Variants in CPQ observed in about 807,000 individuals in gnomAD.
CPQ encodes carboxypeptidase Q.
A neutral mutation model predicts 45.7 loss-of-function variants in CPQ; 37 were observed. The ratio of observed to expected loss-of-function variants is 0.81; its 90% CI spans 0.62 to 1.07. The LOEUF (loss-of-function observed/expected upper bound fraction) is 1.07. CPQ is among the 50% of genes least tolerant of loss of function. The pLI is 0.00. For missense variants in CPQ, 537 were observed against 572.9 expected, an observed-to-expected ratio of 0.94 and a Z score of 0.64; for synonymous variants, 186 against 205.8, an observed-to-expected ratio of 0.90 and a Z score of 0.82.
At chr8:96,731,737 G>C (rs893999797) in intron 1 of CPQ, among the ~76,000 whole-genome samples, 1 of 152,176 alleles carries the variant, frequency 6.6e-6, no homozygotes, top group African/African-American at 2.4e-5. Flanking sequence ...AGGTGGGAAG[G>C]AGTTCTCTAT....
At chr8:96,690,767 G>C (rs1408840770) in intron 1 of CPQ, among the ~76,000 whole-genome samples, 1 of 152,172 alleles carries the variant, frequency 6.6e-6, no homozygotes, top group Non-Finnish European at 1.5e-5. Context: ...CTCATAGTCT[G>C]TCCTGATAAT....
intron 7 of CPQ, among the ~76,000 whole-genome samples, chr8:97,120,451 A>G (rs899297516): frequency 1.3e-5 from 2 of 152,110 alleles, no homozygotes; most frequent in Admixed American, 1.3e-4. Context: ...TATGGCACAG[A>G]TAAATTAGTG....
intron 3 of CPQ, among the ~76,000 whole-genome samples, chr8:96,846,190 A>G (rs1461422822): frequency 1.3e-5 from 2 of 152,142 alleles, no homozygotes; most frequent in Non-Finnish European, 2.9e-5. Flanking sequence ...AGGCTGCTCC[A>G]CATTCTTGCC....
At chr8:96,830,647 C>G (rs1295978369) in intron 2 of CPQ, among the ~76,000 whole-genome samples, 1 of 151,926 alleles carries the variant, frequency 6.6e-6, no homozygotes, top group Non-Finnish European at 1.5e-5. Flanking sequence ...TATTATAATC[C>G]TTTTCATTAC....
chr8:96,935,804 T>C (rs1348368450), intron 4 of CPQ, among the ~76,000 whole-genome samples: 1 of 152,196 alleles, frequency 6.6e-6, no homozygotes, highest in Non-Finnish European at 1.5e-5. Flanking sequence ...TAAAATACTT[T>C]ACTTATAAAT....
intron 1 of CPQ, among the ~76,000 whole-genome samples, chr8:96,707,698 T>G (rs529391111): frequency 2.6e-5 from 4 of 152,246 alleles, no homozygotes; most frequent in Non-Finnish European, 5.9e-5. Context: ...AATGATTTTT[T>G]TTTTTGGCTT....
chr8:96,654,899 C>T (rs1220226446), intron 1 of CPQ, among the ~76,000 whole-genome samples: 3 of 150,996 alleles, frequency 2.0e-5, no homozygotes, highest in Non-Finnish European at 4.4e-5. Flanking sequence ...TCTTGGTGCT[C>T]ACTTCTCTTC....
intron 5 of CPQ, among the ~76,000 whole-genome samples, chr8:97,016,151 C>CAGTT (rs1432820003): frequency 6.6e-6 from 1 of 152,022 alleles, no homozygotes; most frequent in Non-Finnish European, 1.5e-5. Context: ...TCATTTAATT[C>CAGTT]AGTTAGCTGA....
At position 97,123,186 on chromosome 8, in the gene CPQ, AAAT is replaced by A. The variant is rs1396295254; in HGVS notation, c.1256-19831_1256-19829del. ...ATAAAATAAAATAAAATATAAAATA[AAAT>A]AAAATAAAATAAAATAAAAAATAAA... On this transcript the variant is annotated intron_variant, in intron 7 of 7. Coordinates refer to ENST00000220763, the MANE Select transcript of CPQ (RefSeq NM_016134.4). Among the ~76,000 whole-genome samples the A allele has an allele frequency of 6.2e-4, 78 of 126,756 alleles. 3 individuals carry two copies. Among genetic ancestry groups the A allele is most frequent in the African/African-American group, 2.2e-3 (74 of 33,726 alleles). The allele number at this position is 126,756 out of a possible 152,430, so 83.2% of individuals were successfully genotyped here. A position where few individuals can be genotyped will look rare whatever the true frequency, so the allele number is the denominator to read the frequency against.
At chr8:97,098,945 A>G (rs62508638) in intron 7 of CPQ, among the ~76,000 whole-genome samples, 364 of 152,236 alleles carry the variant, frequency 2.4e-3, no homozygotes, top group Non-Finnish European at 4.1e-3. Flanking sequence ...TGTGTATAAA[A>G]TTAAATTTAG....
At chr8:97,093,190 A>G (rs1271757739) in intron 7 of CPQ, among the ~76,000 whole-genome samples, 1 of 152,150 alleles carries the variant, frequency 6.6e-6, no homozygotes, top group African/African-American at 2.4e-5. Flanking sequence ...AAAGTTGCAG[A>G]GAAAAAAGAA....
chr8:97,042,354 T>C (rs1586510105), intron 6 of CPQ, among the ~76,000 whole-genome samples: 1 of 152,130 alleles, frequency 6.6e-6, no homozygotes, highest in African/African-American at 2.4e-5. Context: ...TTTTTTATTG[T>C]GTCTATTTGA....
At chr8:97,029,565 T>A in intron 6 of CPQ, 71 bp downstream of exon 6, 1 of 1,352,290 alleles carries the variant, frequency 7.4e-7, no homozygotes, top group Non-Finnish European at 1.0e-6. Flanking sequence ...ATTGTCCATT[T>A]AAGACTTCAA....
At chr8:96,670,334 TTTTG>T (rs1042254636) in intron 1 of CPQ, among the ~76,000 whole-genome samples, 4 of 151,412 alleles carry the variant, frequency 2.6e-5, no homozygotes, top group African/African-American at 9.7e-5. Flanking sequence ...TTTTTTTTTT[TTTTG>T]GCTGTACTGC....
chr8:96,950,343 CA>C (rs1813242902), intron 4 of CPQ, among the ~76,000 whole-genome samples: 1 of 152,060 alleles, frequency 6.6e-6, no homozygotes, highest in Non-Finnish European at 1.5e-5. Context: ...GATTCTGAAT[CA>C]TATTTTATTA....
At chr8:97,089,936 C>A (rs1811103365) in intron 7 of CPQ, among the ~76,000 whole-genome samples, 1 of 152,084 alleles carries the variant, frequency 6.6e-6, no homozygotes, top group African/African-American at 2.4e-5. Context: ...CTTAAGTTCC[C>A]CTGCGGGCTA....
chr8:97,015,592 T>G (rs183570457), intron 5 of CPQ, among the ~76,000 whole-genome samples: 1 of 152,134 alleles, frequency 6.6e-6, no homozygotes, highest in Non-Finnish European at 1.5e-5. Context: ...GAAGATAAGA[T>G]TTTAAAGTTC....
chr8:96,753,903 G>A (rs1810294490), intron 1 of CPQ, among the ~76,000 whole-genome samples: 1 of 151,728 alleles, frequency 6.6e-6, no homozygotes, highest in South Asian at 2.1e-4. Context: ...TAGCTTCCTA[G>A]TGAGGCTTAA....
chr8:96,935,840 C>G (rs1386977481), intron 4 of CPQ, among the ~76,000 whole-genome samples: 3 of 152,110 alleles, frequency 2.0e-5, no homozygotes, highest in Non-Finnish European at 4.4e-5. Flanking sequence ...GCCAGGAACT[C>G]AGCCTGAGAT....
Sources: gnomAD v4.1 joint callset for allele counts (sites outside exome capture counted in the v4.1 genomes callset) on GRCh38, gnomAD v4.1.1 for gene constraint, MANE v1.5 for transcripts, NCBI Gene and HGNC (gene_info 2026-07-23, HGNC 2026-07-21) for gene names.